Variants in FGF13 observed in about 807,000 individuals in gnomAD.
FGF13 encodes the protein fibroblast growth factor homologous factor 2.
In FGF13, 2 loss-of-function variants were observed where a neutral mutation model predicts 19.5. The observed-to-expected ratio is 0.10, with a 90% CI of 0.04 to 0.32. FGF13 has a LOEUF of 0.32. Ranked by LOEUF, FGF13 falls within the 10% of genes least tolerant of loss-of-function variation. FGF13 has a pLI of 1.00. For synonymous variants in FGF13, 72 were observed against 76.9 expected, an observed-to-expected ratio of 0.94 and a Z score of 0.33; for missense variants, 113 against 192.7, an observed-to-expected ratio of 0.59 and a Z score of 2.45.
intron 1 of FGF13, among the ~76,000 whole-genome samples, chrX:139,005,783 T>C (rs1416042980): frequency 9.9e-6 from 1 of 101,353 alleles, no homozygotes; most frequent in African/African-American, 3.6e-5. Flanking sequence ...AAAAATGGAG[T>C]TGACATAGTG....
chrX:139,194,185 C>T (rs2084353958), intron 1 of FGF13, among the ~76,000 whole-genome samples: 1 of 110,973 alleles, frequency 9.0e-6, no homozygotes, highest in Non-Finnish European at 1.9e-5. Flanking sequence ...CATTCTAAGA[C>T]GTTGAGGGAA....
In FGF13 at chrX:139,087,050, A is replaced by C. The variant is rs1469793338; in HGVS notation, c.-113+116366T>G. Reference sequence around the variant, plus strand: ...AGTGGCTCACGCCTGTAATCCCAGCACTTTGGGAGGCCAAGGCGGGTGGAT... The same window carrying C: ...AGTGGCTCACGCCTGTAATCCCAGCCCTTTGGGAGGCCAAGGCGGGTGGAT... On this transcript the variant is annotated intron_variant, in intron 1 of 2. Coordinates refer to the FGF13 transcript ENST00000421460. 8.9e-5 allele frequency among the ~76,000 whole-genome samples: 10 copies of C among 112,809 alleles called. No homozygotes were observed. In the Admixed American group the frequency reaches 9.3e-4, roughly 11 times the overall value.
intron 1 of FGF13, among the ~76,000 whole-genome samples, chrX:139,158,125 TCTCTCAGGTGCCAACAC>T (rs1472340505): frequency 1.8e-5 from 2 of 111,236 alleles, no homozygotes; most frequent in Middle Eastern, 4.6e-3. Flanking sequence ...ACTAGCAGAT[TCTCTCAGGTGCCAACAC>T]CACCAGGGCC....
chrX:138,780,736 G>C (rs1417413124), intron 3 of FGF13, among the ~76,000 whole-genome samples: 9 of 109,789 alleles, frequency 8.2e-5, no homozygotes, highest in Admixed American at 5.9e-4. Flanking sequence ...ACACCCCACT[G>C]TCAACATTAG....
At chrX:139,063,568 T>G (rs187283882) in intron 1 of FGF13, among the ~76,000 whole-genome samples, 291 of 111,468 alleles carry the variant, frequency 2.6e-3, no homozygotes, top group Admixed American at 6.3e-3. Flanking sequence ...TATTTCCAGT[T>G]TGTCAGGTGG....
intron 3 of FGF13, among the ~76,000 whole-genome samples, chrX:138,637,010 A>AGT (rs1407116093): frequency 8.9e-6 from 1 of 111,799 alleles, no homozygotes; most frequent in Non-Finnish European, 1.9e-5. Flanking sequence ...TTCTACAAAC[A>AGT]GTGTTTCACA....
intron 3 of FGF13, among the ~76,000 whole-genome samples, chrX:138,846,641 G>A (rs1173583634): frequency 1.8e-5 from 2 of 111,548 alleles, no homozygotes; most frequent in South Asian, 3.8e-4. Context: ...TGTACAGCCT[G>A]CAGAACTGTG....
At chrX:138,845,150 G>A (rs754789719) in intron 3 of FGF13, among the ~76,000 whole-genome samples, 1 of 111,160 alleles carries the variant, frequency 9.0e-6, no homozygotes, top group Admixed American at 9.6e-5. Context: ...TATATTTAGC[G>A]GGTTTAAGCC....
At chrX:138,940,409 T>G (rs1007551897) in intron 1 of FGF13, among the ~76,000 whole-genome samples, 5 of 112,286 alleles carry the variant, frequency 4.5e-5, no homozygotes, top group Non-Finnish European at 9.4e-5. Context: ...TAGTTTCTTT[T>G]GCTGTGCAGA....
At chrX:138,780,641 A>G (rs1346971946) in intron 3 of FGF13, among the ~76,000 whole-genome samples, 1 of 99,899 alleles carries the variant, frequency 1.0e-5, no homozygotes, top group Non-Finnish European at 2.0e-5. Context: ...TGCACCCAAT[A>G]CAGGAGCACC....
At chrX:139,204,937 TC>T (rs1271065281), upstream of FGF13, 14 of 111,588 alleles carry the variant, frequency 1.3e-4, no homozygotes, top group Admixed American at 1.3e-3. Context: ...TCTTTCTCTC[TC>T]TCCCTACACC....
chrX:139,006,228 C>A (rs954314203), intron 1 of FGF13, among the ~76,000 whole-genome samples: 12 of 111,505 alleles, frequency 1.1e-4, no homozygotes, highest in Non-Finnish European at 1.7e-4. Flanking sequence ...ATACGTCTGG[C>A]AGCAGACTTT....
intron 1 of FGF13, among the ~76,000 whole-genome samples, chrX:138,998,254 G>A (rs760768832): frequency 3.6e-5 from 4 of 111,416 alleles, no homozygotes; most frequent in South Asian, 3.8e-4. Flanking sequence ...GACCATCGAC[G>A]CTATGAAGAA....
At chrX:139,087,157 G>A (rs186244658) in intron 1 of FGF13, among the ~76,000 whole-genome samples, 1 of 111,425 alleles carries the variant, frequency 9.0e-6, no homozygotes, top group African/African-American at 3.3e-5. Context: ...TTAGCCGGGC[G>A]TGGCGGTGCA....
intron 1 of FGF13, among the ~76,000 whole-genome samples, chrX:138,983,121 T>A (rs1411365798): frequency 9.0e-6 from 1 of 110,500 alleles, no homozygotes; most frequent in Admixed American, 9.7e-5. Context: ...TTCGATGCAA[T>A]CCCACTTGTT....
At chrX:138,951,657 C>T (rs1030889546) in intron 1 of FGF13, among the ~76,000 whole-genome samples, 2 of 111,388 alleles carry the variant, frequency 1.8e-5, no homozygotes, top group Non-Finnish European at 3.8e-5. Context: ...ATGGAAATAT[C>T]AGGAAATACA....
intron 1 of FGF13, among the ~76,000 whole-genome samples, chrX:138,956,790 A>C (rs2091843369): frequency 9.0e-6 from 1 of 111,509 alleles, no homozygotes; most frequent in African/African-American, 3.3e-5. Flanking sequence ...GAATTCGATG[A>C]TCTGTAGGGT....
intron 1 of FGF13, among the ~76,000 whole-genome samples, chrX:139,146,790 T>TA (rs1358688612): frequency 1.8e-5 from 2 of 111,222 alleles, no homozygotes; most frequent in African/African-American, 6.5e-5. Context: ...TATGCAGCCA[T>TA]AAAAAAGGAT....
chrX:139,173,384 A>G lies in FGF13; in HGVS notation c.-113+30032T>C, dbSNP rs146699399. On this transcript the variant is annotated intron_variant, in intron 1 of 2. Transcript: ENST00000421460. ...TTTTTTAAAATATATGAATATAAATATAATATATATATATATGTAAATGTT... is the reference window on the plus strand; with the variant it reads ...TTTTTTAAAATATATGAATATAAATGTAATATATATATATATGTAAATGTT... Among the ~76,000 whole-genome samples the G allele has an allele frequency of 7.7e-3, 842 of 109,631 alleles. 6 individuals are homozygous for G. Among genetic ancestry groups the G allele is most frequent in the African/African-American group, 0.027 (806 of 30,294 alleles).
Sources: allele counts gnomAD v4.1 joint callset (sites outside exome capture counted in the v4.1 genomes callset), GRCh38; gene constraint gnomAD v4.1.1; transcripts MANE v1.5; gene names NCBI Gene and HGNC (gene_info 2026-07-23, HGNC 2026-07-21).